SLX4IP: variants seen among roughly 807,000 people sequenced by gnomAD.
SLX4IP encodes SLX4 interacting protein.
In SLX4IP, 34 loss-of-function variants were observed where a neutral mutation model predicts 32.9. The ratio of observed to expected loss-of-function variants is 1.03; its 90% CI spans 0.79 to 1.38. The LOEUF (loss-of-function observed/expected upper bound fraction) is 1.38, where lower values mean the gene tolerates loss of function less well. Ranked by LOEUF, SLX4IP falls within the 40% of genes most tolerant of loss-of-function variation. The pLI is 0.00. For missense variants in SLX4IP, 444 were observed against 479.0 expected (o/e 0.93, Z 0.68); for synonymous variants, 172 against 171.7 (o/e 1.00, Z -0.01).
chr20:10,466,397 A>G (rs1043307592), intron 2 of SLX4IP, among the ~76,000 whole-genome samples: 2 of 152,172 alleles, frequency 1.3e-5, no homozygotes, highest in Non-Finnish European at 2.9e-5. Context: ...TAGGTATTAT[A>G]CTAAAGTCTA....
At chr20:10,502,219 G>A (rs919817152) in intron 2 of SLX4IP, among the ~76,000 whole-genome samples, 2 of 152,170 alleles carry the variant, frequency 1.3e-5, no homozygotes, top group Non-Finnish European at 2.9e-5. Flanking sequence ...TGGCATTTCT[G>A]TGTAGGAAGT....
rs374633840 is a variant in SLX4IP, at chr20:10,496,761, A to G, written c.27+38530A>G. Among the ~76,000 whole-genome samples, 19 of 152,318 alleles carry G rather than the reference A, an allele frequency of 1.2e-4. No homozygotes were observed. In the East Asian group the frequency reaches 3.7e-3, roughly 29 times the overall value. On this transcript the variant is annotated intron_variant, in intron 2 of 7. Transcript: ENST00000334534. Reference sequence around the variant, plus strand: ...ACCCAAGGGGCTTTTGTTGTTGGCTAGAACTGTGCCAGGTAGCCTTCTATA... The same window carrying G: ...ACCCAAGGGGCTTTTGTTGTTGGCTGGAACTGTGCCAGGTAGCCTTCTATA...
At position 10,623,339 on chromosome 20, in the gene SLX4IP, G is replaced by A; in HGVS notation, c.1187G>A (p.Ser396Asn). ...NTERLSTIQN[S>N]PTKKRKKYER... The stretch of plus-strand genomic sequence containing the variant: ...GAAAGATTATCTACAATTCAGAACA[G>A]CCCAACCAAGAAAAGAAAGAAATAC... The change falls in exon 8 of 8, where the codon AGC becomes AAC. Residue 396 changes from serine to asparagine, a missense_variant. Transcript: ENST00000334534. 6.2e-7 allele frequency: 1 copy of A among 1,612,274 alleles called. No homozygotes were observed. Among genetic ancestry groups the A allele is most frequent in the Non-Finnish European group, 8.5e-7 (1 of 1,179,376 alleles).
At chr20:10,441,401 CA>C (rs2065158665) in intron 1 of SLX4IP, among the ~76,000 whole-genome samples, 1 of 152,128 alleles carries the variant, frequency 6.6e-6, no homozygotes, top group African/African-American at 2.4e-5. Context: ...CACGCCACTG[CA>C]CTGCAGCCCG....
At chr20:10,580,172 T>C (rs1286990385) in intron 4 of SLX4IP, among the ~76,000 whole-genome samples, 2 of 152,228 alleles carry the variant, frequency 1.3e-5, no homozygotes, top group Non-Finnish European at 2.9e-5. Flanking sequence ...TCTTTAATTC[T>C]CATTCAGAAT....
At chr20:10,441,719 G>A (rs902442140) in intron 1 of SLX4IP, among the ~76,000 whole-genome samples, 2 of 130,254 alleles carry the variant, frequency 1.5e-5, no homozygotes, top group African/African-American at 2.6e-5. Flanking sequence ...TGAATCTGAC[G>A]TGTTTGTTTT....
intron 2 of SLX4IP, among the ~76,000 whole-genome samples, chr20:10,539,889 T>G (rs988782282): frequency 3.9e-5 from 6 of 152,150 alleles, no homozygotes; most frequent in Non-Finnish European, 8.8e-5. Flanking sequence ...GATTCTGAGG[T>G]GCTGCCAGGG....
intron 4 of SLX4IP, among the ~76,000 whole-genome samples, chr20:10,567,718 T>A (rs2066413266): frequency 6.6e-6 from 1 of 152,226 alleles, no homozygotes; most frequent in Non-Finnish European, 1.5e-5. Context: ...TTGATGACCC[T>A]CTCTTCAAAC....
intron 2 of SLX4IP, among the ~76,000 whole-genome samples, chr20:10,466,963 T>C (rs1446823364): frequency 6.6e-6 from 1 of 152,214 alleles, no homozygotes; most frequent in Non-Finnish European, 1.5e-5. Flanking sequence ...AACCTTAGTC[T>C]TCACATTCCT....
chr20:10,498,591 T>C (rs189270842), intron 2 of SLX4IP, among the ~76,000 whole-genome samples: 2 of 152,310 alleles, frequency 1.3e-5, no homozygotes, highest in East Asian at 3.9e-4. Flanking sequence ...AATTGATCAT[T>C]GCCATAGGGA....
intron 6 of SLX4IP, 141 bp from the exon 7 acceptor site, chr20:10,621,173 G>C: frequency 1.4e-6 from 1 of 722,422 alleles, no homozygotes; most frequent in Non-Finnish European, 2.3e-6. Context: ...GGTAAAAAAG[G>C]TTAAAATAGC....
At chr20:10,619,217 C>CTTTTTTTTTTTTTTTT (rs59741153) in intron 6 of SLX4IP, among the ~76,000 whole-genome samples, 9 of 126,666 alleles carry the variant, frequency 7.1e-5, no homozygotes, top group East Asian at 2.3e-4. Flanking sequence ...CTTTTTTTTT[C>CTTTTTTTTTTTTTTTT]TTTTTTTTTT....
intron 2 of SLX4IP, among the ~76,000 whole-genome samples, chr20:10,509,610 A>T (rs183592683): frequency 6.6e-6 from 1 of 152,308 alleles, no homozygotes; most frequent in African/African-American, 2.4e-5. Context: ...GTGGACGAAG[A>T]TCCATCCAGA....
intron 2 of SLX4IP, among the ~76,000 whole-genome samples, chr20:10,461,972 G>A (rs182521438): frequency 1.3e-5 from 2 of 152,126 alleles, no homozygotes; most frequent in Middle Eastern, 3.4e-3. Context: ...TTTTTGTAGA[G>A]ATGGAGTCTC....
intron 2 of SLX4IP, among the ~76,000 whole-genome samples, chr20:10,460,754 A>G (rs1180355236): frequency 6.6e-6 from 1 of 152,110 alleles, no homozygotes; most frequent in Non-Finnish European, 1.5e-5. Flanking sequence ...GAGAAGCAGT[A>G]TTTTCTCACA....
chr20:10,473,430 A>G (rs979062176), intron 2 of SLX4IP, among the ~76,000 whole-genome samples: 2 of 152,234 alleles, frequency 1.3e-5, no homozygotes, highest in African/African-American at 4.8e-5. Flanking sequence ...AAGGATTCGT[A>G]TAAAGTGTTT....
chr20:10,593,974 C>T lies in SLX4IP; in HGVS notation c.239-4701C>T, dbSNP rs6032905. On this transcript the variant is annotated intron_variant, in intron 4 of 7. Transcript: ENST00000334534. ...TTTGAATATAGGCTGATTATTTGAT[C>T]GGTAATGTCATACTCAGTTGTAATA... Among the ~76,000 whole-genome samples, 235 of 152,244 alleles carry T rather than the reference C, an allele frequency of 1.5e-3. 2 individuals are homozygous for T. The highest frequency in any genetic ancestry group is 5.3e-3 in the African/African-American group (222 of 41,526).
At chr20:10,455,569 C>T (rs2065277727) in intron 1 of SLX4IP, among the ~76,000 whole-genome samples, 1 of 141,910 alleles carries the variant, frequency 7.0e-6, no homozygotes, top group Admixed American at 7.2e-5. Context: ...TTCCAATTGA[C>T]CTGTATGTCT....
intron 4 of SLX4IP, among the ~76,000 whole-genome samples, chr20:10,589,830 A>G (rs1325683888): frequency 2.0e-5 from 3 of 152,152 alleles, no homozygotes; most frequent in African/African-American, 7.2e-5. Flanking sequence ...GAAAGTGACA[A>G]AGGGTCTCTG....
Sources: allele counts gnomAD v4.1 joint callset (sites outside exome capture counted in the v4.1 genomes callset), GRCh38; gene constraint gnomAD v4.1.1; transcripts MANE v1.5; gene names NCBI Gene and HGNC (gene_info 2026-07-23, HGNC 2026-07-21).